Variants in NELL1 observed in about 807,000 individuals in gnomAD.
NELL1 encodes neural EGFL like 1.
Under a neutral mutation model 107.4 loss-of-function variants are expected in NELL1, and 76 were observed. That is an observed-to-expected ratio of 0.71 (90% CI 0.59 to 0.86). The LOEUF (loss-of-function observed/expected upper bound fraction) is 0.86. NELL1 is among the 40% of genes least tolerant of loss of function. NELL1 has a pLI of 0.00. For synonymous variants in NELL1, 353 were observed against 341.2 expected, an observed-to-expected ratio of 1.03 and a Z score of -0.38; for missense variants, 1,024 against 1,005.5, an observed-to-expected ratio of 1.02 and a Z score of -0.25.
intron 14 of NELL1, among the ~76,000 whole-genome samples, chr11:21,361,628 T>C (rs1851078717): frequency 6.6e-6 from 1 of 152,178 alleles, no homozygotes; most frequent in South Asian, 2.1e-4. Flanking sequence ...CAATTATCCT[T>C]ATGTTTGCCC....
chr11:20,996,593 C>T (rs1237749763), intron 12 of NELL1, among the ~76,000 whole-genome samples: 1 of 152,166 alleles, frequency 6.6e-6, no homozygotes, highest in African/African-American at 2.4e-5. Context: ...CAGTAAGCTT[C>T]TCATGGTGGG....
In NELL1 at chr11:20,817,532, T is replaced by C. The variant is rs545001799; in HGVS notation, c.336-30051T>C. Among the ~76,000 whole-genome samples the C allele has an allele frequency of 3.3e-5, 5 of 152,186 alleles. No homozygotes were observed. In the South Asian group the frequency reaches 8.3e-4, roughly 25 times the overall value. ...GCTTATTTGGATCTTCTCTTTTTTT[T>C]CCTTGTTAGTGTAGCTAGCAGTCTA... On this transcript the variant is annotated intron_variant, in intron 3 of 19. Coordinates refer to ENST00000357134, the MANE Select transcript of NELL1 (RefSeq NM_006157.5).
chr11:20,715,447 G>A (rs1855227458), intron 2 of NELL1, among the ~76,000 whole-genome samples: 1 of 152,050 alleles, frequency 6.6e-6, no homozygotes, highest in Non-Finnish European at 1.5e-5. Flanking sequence ...TAACTCATTT[G>A]TGATCACACA....
At chr11:20,802,778 AG>A (rs1382501027) in intron 3 of NELL1, among the ~76,000 whole-genome samples, 1 of 152,142 alleles carries the variant, frequency 6.6e-6, no homozygotes, top group Non-Finnish European at 1.5e-5. Context: ...TTTATCATGA[AG>A]GGATGTTGAA....
chr11:20,708,344 C>T (rs1291880700), intron 2 of NELL1, among the ~76,000 whole-genome samples: 14 of 152,194 alleles, frequency 9.2e-5, no homozygotes, highest in Admixed American at 9.2e-4. Context: ...TGGGTTGCAC[C>T]CACTGTCTGA....
chr11:21,438,898 T>C (rs914303849), intron 15 of NELL1, among the ~76,000 whole-genome samples: 9 of 151,946 alleles, frequency 5.9e-5, no homozygotes, highest in Non-Finnish European at 2.9e-5. Flanking sequence ...ACATCAGTGA[T>C]AATGACTGGA....
intron 14 of NELL1, among the ~76,000 whole-genome samples, chr11:21,236,023 A>C (rs1858196709): frequency 6.6e-6 from 1 of 152,044 alleles, no homozygotes; most frequent in Admixed American, 6.6e-5. Context: ...CACACCTGAG[A>C]GTTAACTAAT....
intron 14 of NELL1, among the ~76,000 whole-genome samples, chr11:21,235,545 T>C (rs1484062663): frequency 2.6e-5 from 4 of 152,156 alleles, no homozygotes. Context: ...TGGTAGTGTT[T>C]AAGCTTCTCT....
chr11:21,186,210 G>A (rs769940911), intron 13 of NELL1, among the ~76,000 whole-genome samples: 10 of 151,898 alleles, frequency 6.6e-5, no homozygotes, highest in Middle Eastern at 3.4e-3. Context: ...TTAAAAGAAG[G>A]GCCCCATTCA....
chr11:21,539,657 G>C (rs907379516), intron 16 of NELL1, among the ~76,000 whole-genome samples: 31 of 151,140 alleles, frequency 2.1e-4, no homozygotes, highest in African/African-American at 7.0e-4. Flanking sequence ...TCTCTCCTCT[G>C]CTGCTCTTCT....
chr11:21,046,960 T>C (rs1338257743), intron 12 of NELL1, among the ~76,000 whole-genome samples: 4 of 151,742 alleles, frequency 2.6e-5, no homozygotes, highest in Admixed American at 6.6e-5. Flanking sequence ...CAAGTGATAC[T>C]CTCACCTTGG....
At position 21,466,580 on chromosome 11, in the gene NELL1, TA is replaced by T. The variant is rs111482866; in HGVS notation, c.1646-67788del. Among the ~76,000 whole-genome samples, 5 of 152,152 alleles carry T rather than the reference TA, an allele frequency of 3.3e-5. 1 individual carries two copies. Among genetic ancestry groups the T allele is most frequent in the Non-Finnish European group, 1.5e-5 (1 of 68,008 alleles). Reference sequence around the variant, plus strand: ...GGAGCAATAGTTTTAAAACTTTTTTTAAAAAATAGCAAAAGCTTTTATTTTT... The same window carrying T: ...GGAGCAATAGTTTTAAAACTTTTTTTAAAAATAGCAAAAGCTTTTATTTTT... On this transcript the variant is annotated intron_variant, in intron 15 of 19. Coordinates refer to ENST00000357134, the MANE Select transcript of NELL1 (RefSeq NM_006157.5).
chr11:20,980,585 A>G (rs1052542936), intron 12 of NELL1, among the ~76,000 whole-genome samples: 1 of 152,224 alleles, frequency 6.6e-6, no homozygotes, highest in African/African-American at 2.4e-5. Context: ...GTATTTTTGA[A>G]AATAAAATGT....
chr11:20,731,878 G>T (rs987340996), intron 2 of NELL1, among the ~76,000 whole-genome samples: 7 of 152,192 alleles, frequency 4.6e-5, no homozygotes, highest in African/African-American at 1.7e-4. Flanking sequence ...TGGTAAGGAT[G>T]TGCATATGTG....
intron 11 of NELL1, among the ~76,000 whole-genome samples, chr11:20,950,425 C>T (rs1020562983): frequency 2.6e-5 from 4 of 152,142 alleles, no homozygotes; most frequent in Non-Finnish European, 2.9e-5. Flanking sequence ...CTCTTAATTC[C>T]GTCTTTAAAA....
intron 10 of NELL1, among the ~76,000 whole-genome samples, chr11:20,940,921 C>G (rs1850839692): frequency 6.6e-6 from 1 of 152,112 alleles, no homozygotes; most frequent in Non-Finnish European, 1.5e-5. Context: ...GGCAGATCAT[C>G]TGAGGTCAGG....
intron 5 of NELL1, among the ~76,000 whole-genome samples, chr11:20,904,767 T>C (rs1328098166): frequency 6.6e-6 from 1 of 152,040 alleles, no homozygotes; most frequent in Admixed American, 6.5e-5. Context: ...CTTTCTTGTT[T>C]TTGGTTGCTG....
At chr11:21,370,736 A>G (rs1204911055) in intron 14 of NELL1, 117 bp from the exon 15 acceptor site, 13 of 722,692 alleles carry the variant, frequency 1.8e-5, no homozygotes, top group African/African-American at 3.6e-5. Context: ...AAATGTATCA[A>G]TACAGATGTG....
intron 15 of NELL1, among the ~76,000 whole-genome samples, chr11:21,519,398 T>C (rs953378321): frequency 6.6e-6 from 1 of 152,184 alleles, no homozygotes; most frequent in African/African-American, 2.4e-5. Context: ...AATTTTCATT[T>C]ATAATATGTT....
Sources: allele counts gnomAD v4.1 joint callset (sites outside exome capture counted in the v4.1 genomes callset), GRCh38; gene constraint gnomAD v4.1.1; transcripts MANE v1.5; gene names NCBI Gene and HGNC (gene_info 2026-07-23, HGNC 2026-07-21).